COL25A1: variants seen among roughly 807,000 people sequenced by gnomAD.
COL25A1 encodes the protein collagen type XXV alpha 1 chain, also known as collagen alpha-1(XXV) chain.
A neutral mutation model predicts 128.4 loss-of-function variants in COL25A1; 103 were observed. That is an observed-to-expected ratio of 0.80 (90% CI 0.68 to 0.94). The LOEUF (loss-of-function observed/expected upper bound fraction) is 0.94. Among genes scored for constraint, COL25A1 ranks in the 40% least tolerant of loss-of-function variants. The probability of loss-of-function intolerance (pLI) is 0.00; values close to 1 mark genes in which losing one functional copy is unlikely to be tolerated. For synonymous variants in COL25A1, 279 were observed against 277.2 expected (o/e 1.01, Z -0.06); for missense variants, 745 against 840.0 (o/e 0.89, Z 1.40).
At chr4:109,244,238 T>C (rs911751878) in intron 3 of COL25A1, among the ~76,000 whole-genome samples, 2 of 151,914 alleles carry the variant, frequency 1.3e-5, no homozygotes, top group Admixed American at 6.6e-5. Context: ...CCCTAAGTCA[T>C]GCACAATAGA....
intron 8 of COL25A1, among the ~76,000 whole-genome samples, chr4:108,948,747 G>T (rs1366408798): frequency 6.6e-6 from 1 of 152,018 alleles, no homozygotes; most frequent in African/African-American, 2.4e-5. Flanking sequence ...AAGTTATTTG[G>T]AAGAGAAAGA....
In COL25A1 at chr4:108,992,236, G is replaced by C. The variant is rs1323469807; in HGVS notation, c.439-17677C>G. Among the ~76,000 whole-genome samples, 3 of 152,116 alleles carry C rather than the reference G, an allele frequency of 2.0e-5. 1 individual carries two copies. The highest frequency in any genetic ancestry group is 4.4e-5 in the Non-Finnish European group (3 of 68,020). ...TTTATGTTCATGAAACTCCAAAAGA[G>C]AGTTATGAGGCTTTGAAACTAACAA... On this transcript the variant is annotated intron_variant, in intron 6 of 37. Transcript: ENST00000399132.
chr4:109,085,119 C>A (rs1764235101), intron 3 of COL25A1, among the ~76,000 whole-genome samples: 2 of 152,132 alleles, frequency 1.3e-5, no homozygotes, highest in South Asian at 4.1e-4. Context: ...TGCCTGTTCT[C>A]CAAGGTTTTG....
rs565542407 is a variant in COL25A1 at position 109,064,023 on chromosome 4, A to G, written c.368-13844T>C. ...AAATAGATACCGAAAGTAATACTTG[A>G]CAAACAGAGTCAAAGTTGGAGGCTT... On this transcript the variant is annotated intron_variant, in intron 3 of 37. Coordinates refer to ENST00000399132, the MANE Select transcript of COL25A1 (RefSeq NM_198721.4). Among the ~76,000 whole-genome samples the G allele has an allele frequency of 1.7e-4, 26 of 152,346 alleles. No individual in the cohort carries two copies. In the South Asian group the frequency reaches 5.2e-3, roughly 30 times the overall value.
intron 5 of COL25A1, among the ~76,000 whole-genome samples, chr4:109,026,274 TA>T (rs1333460080): frequency 1.3e-5 from 2 of 151,594 alleles, no homozygotes; most frequent in South Asian, 2.1e-4. Flanking sequence ...AAACTGAGGA[TA>T]AAAAAAACCT....
intron 6 of COL25A1, among the ~76,000 whole-genome samples, chr4:108,995,312 C>T (rs560884755): frequency 2.6e-5 from 4 of 152,202 alleles, no homozygotes; most frequent in South Asian, 2.1e-4. Flanking sequence ...ACAAGAACTT[C>T]GTGACACGTG....
intron 3 of COL25A1, among the ~76,000 whole-genome samples, chr4:109,089,362 A>T (rs185352862): frequency 6.6e-6 from 1 of 152,210 alleles, no homozygotes; most frequent in Non-Finnish European, 1.5e-5. Flanking sequence ...GGACATGAAG[A>T]AGGCATATAG....
At chr4:109,271,704 A>G (rs1435117502) in intron 3 of COL25A1, among the ~76,000 whole-genome samples, 1 of 152,174 alleles carries the variant, frequency 6.6e-6, no homozygotes, top group African/African-American at 2.4e-5. Context: ...AAAAACTTCA[A>G]CCCTGAACAC....
chr4:109,254,443 G>T (rs1780909779), intron 3 of COL25A1, among the ~76,000 whole-genome samples: 1 of 115,376 alleles, frequency 8.7e-6, no homozygotes, highest in Admixed American at 1.0e-4. Context: ...GCAACAACAG[G>T]GTGCTATGTA....
At chr4:109,074,803 T>A (rs1042840826) in intron 3 of COL25A1, among the ~76,000 whole-genome samples, 2 of 152,174 alleles carry the variant, frequency 1.3e-5, no homozygotes, top group Non-Finnish European at 2.9e-5. Flanking sequence ...AAGCTTGTTT[T>A]AGCAAATTTT....
chr4:109,217,089 C>G (rs1288627782), intron 3 of COL25A1, among the ~76,000 whole-genome samples: 1 of 150,228 alleles, frequency 6.7e-6, no homozygotes, highest in East Asian at 2.2e-4. Flanking sequence ...TGCAAGTTTG[C>G]CTAACAAATA....
chr4:108,870,437 A>C (rs1228720010), intron 19 of COL25A1, among the ~76,000 whole-genome samples: 2 of 145,084 alleles, frequency 1.4e-5, no homozygotes, highest in African/African-American at 2.7e-5. Context: ...TGCTCATGAG[A>C]CTGATCTAAG....
intron 3 of COL25A1, among the ~76,000 whole-genome samples, chr4:109,194,072 C>T (rs1000604982): frequency 1.3e-5 from 2 of 152,124 alleles, no homozygotes; most frequent in South Asian, 4.1e-4. Flanking sequence ...CATGAGCAAG[C>T]GAACTTGTTA....
At chr4:109,151,896 A>G (rs888441312) in intron 3 of COL25A1, among the ~76,000 whole-genome samples, 4 of 152,208 alleles carry the variant, frequency 2.6e-5, no homozygotes, top group Non-Finnish European at 5.9e-5. Context: ...AAAGGTATAC[A>G]TTACAATGAA....
At chr4:109,128,212 C>G (rs2126064316) in intron 3 of COL25A1, among the ~76,000 whole-genome samples, 3 of 152,230 alleles carry the variant, frequency 2.0e-5, no homozygotes, top group Middle Eastern at 3.4e-3. Flanking sequence ...TTCAGAAACC[C>G]AAACCCCCAC....
chr4:108,831,560 C>A (rs189196788), intron 32 of COL25A1, among the ~76,000 whole-genome samples: 4 of 152,174 alleles, frequency 2.6e-5, no homozygotes, highest in African/African-American at 9.6e-5. Context: ...AAAATACTTT[C>A]TTTATATCCT....
chr4:109,292,672 T>G (rs1219562316), intron 3 of COL25A1, among the ~76,000 whole-genome samples: 1 of 151,988 alleles, frequency 6.6e-6, no homozygotes, highest in African/African-American at 2.4e-5. Context: ...ACACTGGTAG[T>G]AGAACAGAAT....
chr4:108,886,148 T>A (rs1029818415), intron 18 of COL25A1, among the ~76,000 whole-genome samples: 7 of 152,228 alleles, frequency 4.6e-5, no homozygotes, highest in Non-Finnish European at 1.0e-4. Context: ...ACTTAGAAAT[T>A]CATATTTCTC....
chr4:109,232,843 AACTG>A (rs1354613072), intron 3 of COL25A1, among the ~76,000 whole-genome samples: 5 of 152,198 alleles, frequency 3.3e-5, no homozygotes, highest in African/African-American at 9.6e-5. Flanking sequence ...ACAAAACACT[AACTG>A]ACTAAGGCAG....
Sources: allele counts gnomAD v4.1 joint callset (sites outside exome capture counted in the v4.1 genomes callset), GRCh38; gene constraint gnomAD v4.1.1; transcripts MANE v1.5; gene names NCBI Gene and HGNC (gene_info 2026-07-23, HGNC 2026-07-21).